GYPB: variants seen among roughly 807,000 people sequenced by gnomAD.
GYPB encodes glycophorin-B.
GYPB carries 13 observed loss-of-function variants against 15.3 expected under a neutral mutation model. That is an observed-to-expected ratio of 0.85 (90% CI 0.55 to 1.35). The LOEUF (loss-of-function observed/expected upper bound fraction) is 1.35, where lower values mean the gene tolerates loss of function less well. GYPB is among the 40% of genes most tolerant of loss of function. GYPB has a pLI of 0.00. For synonymous variants in GYPB, 38 were observed against 36.9 expected (o/e 1.03, Z -0.11); for missense variants, 131 against 108.3 (o/e 1.21, Z -0.93).
intron 1 of GYPB, among the ~76,000 whole-genome samples, chr4:144,016,225 G>T (rs1208470802): frequency 2.0e-5 from 3 of 148,552 alleles, no homozygotes; most frequent in Admixed American, 6.7e-5. Context: ...GTACCTGCAG[G>T]GGTATGAGTC....
chr4:143,998,605 G>A (rs1242082558), intron 3 of GYPB, among the ~76,000 whole-genome samples: 2 of 141,352 alleles, frequency 1.4e-5, no homozygotes, highest in African/African-American at 5.6e-5. Context: ...TGATACTCAA[G>A]TGAGGGGAAG....
At chr4:144,015,633 C>A (rs560337415) in intron 1 of GYPB, among the ~76,000 whole-genome samples, 13 of 151,370 alleles carry the variant, frequency 8.6e-5, no homozygotes, top group Admixed American at 4.6e-4. Context: ...AATTTAAAAT[C>A]ACTACGAAGT....
chr4:144,007,742 A>C (rs1284833642), intron 1 of GYPB, among the ~76,000 whole-genome samples: 1 of 151,524 alleles, frequency 6.6e-6, no homozygotes, highest in Non-Finnish European at 1.5e-5. Context: ...TCTGAGCCTC[A>C]GTTTTCTGGC....
intron 1 of GYPB, chr4:144,008,287 T>C (rs1316857299): frequency 1.6e-5 from 7 of 430,658 alleles, no homozygotes; most frequent in Admixed American, 1.5e-4. Flanking sequence ...TAAGTTGTCA[T>C]TGAGAGATTA....
At chr4:144,005,596 G>T (rs1428404202) in intron 1 of GYPB, among the ~76,000 whole-genome samples, 1 of 151,556 alleles carries the variant, frequency 6.6e-6, no homozygotes, top group Non-Finnish European at 1.5e-5. Context: ...TGAGATGAGA[G>T]TCAGTTTCTT....
chr4:144,014,615 C>A (rs1207489396), intron 1 of GYPB, among the ~76,000 whole-genome samples: 7 of 151,148 alleles, frequency 4.6e-5, no homozygotes, highest in South Asian at 2.1e-4. Flanking sequence ...TTAGTGGTTT[C>A]CAGGGGCTGG....
intron 3 of GYPB, among the ~76,000 whole-genome samples, chr4:143,999,097 T>G (rs541405985): frequency 4.6e-5 from 7 of 151,200 alleles, no homozygotes; most frequent in Admixed American, 2.6e-4. Context: ...TTTGTAGAGA[T>G]AGATTTTGCC....
At chr4:144,005,442 A>G (rs1174881607) in intron 1 of GYPB, among the ~76,000 whole-genome samples, 2 of 151,962 alleles carry the variant, frequency 1.3e-5, no homozygotes, top group Non-Finnish European at 2.9e-5. Context: ...CCTAAAAGCT[A>G]GAATTTTAAT....
Position 144,018,857 on chromosome 4 carries a change from G to T in GYPB, c.37+394C>A, listed in dbSNP as rs6838770. Among the ~76,000 whole-genome samples, 63 of 151,016 alleles carry T rather than the reference G, an allele frequency of 4.2e-4. 3 individuals are homozygous for T. Among genetic ancestry groups the T allele is most frequent in the African/African-American group, 1.3e-3 (52 of 40,570 alleles). On this transcript the variant is annotated intron_variant, in intron 1 of 4. Coordinates refer to ENST00000502664, the MANE Select transcript of GYPB (RefSeq NM_002100.6). ...GCAGAAATAGGAAATTACACCTTTT[G>T]AAAACTAAAAGCCATATAGCTACCA...
chr4:144,014,061 T>A (rs1728366008), intron 1 of GYPB, among the ~76,000 whole-genome samples: 1 of 151,566 alleles, frequency 6.6e-6, no homozygotes, highest in Non-Finnish European at 1.5e-5. Context: ...AACCACTTCA[T>A]ACCCTCTGAA....
chr4:144,000,457 G>A, intron 2 of GYPB: 3 of 1,122,968 alleles, frequency 2.7e-6, no homozygotes, highest in African/African-American at 1.7e-5. Context: ...AGCTGGACAT[G>A]TGTCCCGTTT....
rs1727513968 is a variant in GYPB, at chr4:143,999,578, T to C, written c.137-129A>G. ...TATTTTGAGAGTTGTTGGTCAACTT[T>C]CAACATCTAGCTAGTAACATTTATG... is the stretch of plus-strand genomic sequence containing the variant. On this transcript the variant is annotated intron_variant, in intron 2 of 4. Coordinates refer to ENST00000502664, the MANE Select transcript of GYPB (RefSeq NM_002100.6). 8.2e-6 allele frequency: 5 copies of C among 608,650 alleles called. No homozygotes were observed. In the Admixed American group the frequency reaches 1.2e-4, roughly 15 times the overall value. The allele number at this position is 608,650 out of a possible 1,614,324, so 37.7% of individuals were successfully genotyped here. A position where few individuals can be genotyped will look rare whatever the true frequency, so the allele number is the denominator to read the frequency against.
rs550428701 is a variant in GYPB, at chr4:144,018,792, C to A, written c.37+459G>T. ...ACCCACAGAGAAGCAAACAACTCCC[C>A]ACGGTTTCAGTGTTCATCCTTTTGG... On this transcript the variant is annotated intron_variant, in intron 1 of 4. Coordinates refer to ENST00000502664, the MANE Select transcript of GYPB (RefSeq NM_002100.6). Among the ~76,000 whole-genome samples, 142 of 150,916 alleles carry A rather than the reference C, an allele frequency of 9.4e-4. 11 individuals are homozygous for A. The highest frequency in any genetic ancestry group is 3.4e-3 in the African/African-American group (136 of 40,426).
intron 1 of GYPB, 60 bp from the exon 2 acceptor site, chr4:144,001,343 G>A: frequency 6.2e-7 from 1 of 1,612,072 alleles, no homozygotes; most frequent in Non-Finnish European, 8.5e-7. Flanking sequence ...AGACCATAAA[G>A]CATATCACAA....
intron 1 of GYPB, among the ~76,000 whole-genome samples, chr4:144,015,324 A>G (rs1206838880): frequency 6.6e-6 from 1 of 151,392 alleles, no homozygotes; most frequent in Non-Finnish European, 1.5e-5. Flanking sequence ...CATTTATCAC[A>G]GAAAACTACA....
At chr4:144,001,926 G>A (rs2323377) in intron 1 of GYPB, among the ~76,000 whole-genome samples, 120,839 of 139,258 alleles carry the variant, frequency 0.87, 55,167 homozygotes, top group Non-Finnish European at 0.99. Flanking sequence ...CCGAGATCAC[G>A]CCACTGCACT....
intron 1 of GYPB, among the ~76,000 whole-genome samples, chr4:144,014,097 A>G (rs1478636899): frequency 6.6e-6 from 1 of 151,656 alleles, no homozygotes; most frequent in Non-Finnish European, 1.5e-5. Context: ...AAAATGAAAA[A>G]GTACAATTTC....
intron 1 of GYPB, among the ~76,000 whole-genome samples, chr4:144,016,075 GTTCCTGTAACTCT>G (rs1728481120): frequency 7.6e-6 from 1 of 131,538 alleles, no homozygotes; most frequent in Non-Finnish European, 1.5e-5. Context: ...CTGGCATACA[GTTCCTGTAACTCT>G]TTCCTGTACC....
At chr4:144,009,397 T>G (rs1398608040) in intron 1 of GYPB, among the ~76,000 whole-genome samples, 1 of 150,964 alleles carries the variant, frequency 6.6e-6, no homozygotes, top group Non-Finnish European at 1.5e-5. Flanking sequence ...CTTTAGGATT[T>G]GTGGGCCACA....
Sources: allele counts gnomAD v4.1 joint callset (sites outside exome capture counted in the v4.1 genomes callset), GRCh38; gene constraint gnomAD v4.1.1; transcripts MANE v1.5; gene names NCBI Gene and HGNC (gene_info 2026-07-23, HGNC 2026-07-21).